Variants in SBF2 observed in about 807,000 individuals in gnomAD.
The protein encoded by SBF2 is SET binding factor 2.
A neutral mutation model predicts 225.2 loss-of-function variants in SBF2; 112 were observed. That is an observed-to-expected ratio of 0.50 (90% CI 0.43 to 0.58). The LOEUF (loss-of-function observed/expected upper bound fraction) is 0.58, where lower values mean the gene tolerates loss of function less well. SBF2 is among the 20% of genes least tolerant of loss of function. The probability of loss-of-function intolerance (pLI) is 0.00; values close to 1 mark genes in which losing one functional copy is unlikely to be tolerated. For synonymous variants in SBF2, 763 were observed against 773.3 expected (o/e 0.99, Z 0.22); for missense variants, 1,996 against 2,206.2 (o/e 0.90, Z 1.91).
At chr11:10,222,458 T>A (rs940779301) in intron 1 of SBF2, among the ~76,000 whole-genome samples, 1 of 152,128 alleles carries the variant, frequency 6.6e-6, no homozygotes, top group Admixed American at 6.5e-5. Context: ...AAAGTAGAAA[T>A]TCTAGATCTG....
intron 1 of SBF2, among the ~76,000 whole-genome samples, chr11:10,268,161 T>G (rs1486163476): frequency 1.3e-5 from 2 of 152,192 alleles, no homozygotes; most frequent in Non-Finnish European, 2.9e-5. Context: ...TGACACTTGA[T>G]TTCTCTCTGT....
chr11:10,063,143 G>A (rs889783309), intron 2 of SBF2, among the ~76,000 whole-genome samples: 10 of 151,856 alleles, frequency 6.6e-5, no homozygotes, highest in African/African-American at 2.2e-4. Flanking sequence ...CACAAAGAAG[G>A]AAATAACAGA....
chr11:10,295,274 C>G (rs967494570), upstream of SBF2, among the ~76,000 whole-genome samples: 1 of 152,264 alleles, frequency 6.6e-6, no homozygotes, highest in Admixed American at 6.5e-5. Flanking sequence ...ATAGTAGGTG[C>G]CTACAAAATA....
chr11:10,089,427 T>C (rs1352475096), intron 2 of SBF2, among the ~76,000 whole-genome samples: 1 of 152,212 alleles, frequency 6.6e-6, no homozygotes, highest in Non-Finnish European at 1.5e-5. Flanking sequence ...TCTTTCAAAA[T>C]GTTTCTTTCT....
At chr11:10,090,092 A>G (rs898430252) in intron 2 of SBF2, among the ~76,000 whole-genome samples, 1 of 152,342 alleles carries the variant, frequency 6.6e-6, no homozygotes, top group South Asian at 2.1e-4. Flanking sequence ...AAAACAATAC[A>G]TATTGGATGA....
chr11:9,818,270 G>C (rs1854564528), intron 28 of SBF2, among the ~76,000 whole-genome samples: 3 of 152,180 alleles, frequency 2.0e-5, no homozygotes, highest in Admixed American at 1.3e-4. Context: ...CTAAGAGAAA[G>C]GGCAAGCTAA....
intron 16 of SBF2, among the ~76,000 whole-genome samples, chr11:9,906,818 A>C (rs1186978090): frequency 6.6e-6 from 1 of 152,218 alleles, no homozygotes; most frequent in Non-Finnish European, 1.5e-5. Context: ...TTTATTCTGA[A>C]CTTTGCTTTG....
At chr11:10,107,683 A>T (rs1952612603) in intron 2 of SBF2, among the ~76,000 whole-genome samples, 1 of 152,110 alleles carries the variant, frequency 6.6e-6, no homozygotes, top group Admixed American at 6.5e-5. Context: ...TTCTAAATTT[A>T]TTATTCCAAT....
chr11:10,030,248 C>G (rs991087475), intron 4 of SBF2, among the ~76,000 whole-genome samples: 1 of 152,082 alleles, frequency 6.6e-6, no homozygotes, highest in South Asian at 2.1e-4. Context: ...TCTTATAAAT[C>G]CGGAATGCTT....
At chr11:10,272,465 A>G (rs1348884360) in intron 1 of SBF2, among the ~76,000 whole-genome samples, 1 of 152,212 alleles carries the variant, frequency 6.6e-6, no homozygotes, top group East Asian at 1.9e-4. Context: ...TGATTTCACC[A>G]TACCATTTCT....
intron 16 of SBF2, among the ~76,000 whole-genome samples, chr11:9,952,992 A>C (rs1865947126): frequency 6.6e-6 from 1 of 152,238 alleles, no homozygotes; most frequent in Non-Finnish European, 1.5e-5. Context: ...CAAGAAGTAG[A>C]AGTAGAACTA....
At chr11:10,240,896 TTTGA>T (rs1959200719) in intron 1 of SBF2, among the ~76,000 whole-genome samples, 1 of 152,206 alleles carries the variant, frequency 6.6e-6, no homozygotes, top group Non-Finnish European at 1.5e-5. Context: ...TATCAGTAAG[TTTGA>T]TTATTTGCAT....
At chr11:9,789,021 A>G (rs1226110326) in intron 35 of SBF2, 88 bp downstream of exon 35, 2 of 1,093,372 alleles carry the variant, frequency 1.8e-6, no homozygotes, top group Non-Finnish European at 2.8e-6. Context: ...AAGGAGAGCC[A>G]TGTTCAGAAG....
chr11:10,296,371 C>T (rs894644197), upstream of SBF2, among the ~76,000 whole-genome samples: 4 of 152,062 alleles, frequency 2.6e-5, no homozygotes, highest in Non-Finnish European at 5.9e-5. Flanking sequence ...CTCACAGTTC[C>T]ACATGGCGGA....
Position 9,867,751 on chromosome 11 carries a change from C to T in SBF2, c.1930-9355G>A, listed in dbSNP as rs150015193. On this transcript the variant is annotated intron_variant, in intron 17 of 39. Coordinates refer to ENST00000256190, the MANE Select transcript of SBF2 (RefSeq NM_030962.4). Reference sequence around the variant, plus strand: ...TGGAACTGGAGGTCATTATGTTAAACGAAATAAGCCAGGCACAGGATAAAT... The same window carrying T: ...TGGAACTGGAGGTCATTATGTTAAATGAAATAAGCCAGGCACAGGATAAAT... Among the ~76,000 whole-genome samples, 54 of 152,078 alleles carry T rather than the reference C, an allele frequency of 3.6e-4. No individual in the cohort carries two copies. The East Asian group carries it at 6.0e-3, about 17-fold the overall frequency.
chr11:9,993,111 T>C lies in SBF2; in HGVS notation c.1054-8A>G. The C allele has an allele frequency of 6.3e-7, 1 of 1,587,288 alleles. No homozygotes were observed. Among genetic ancestry groups the C allele is most frequent in the South Asian group, 1.1e-5 (1 of 90,468 alleles). ...GGCTCGCACCTCTTTATCCTAAAAATATAAGAAGAAATGTTAGGTAATTTA... is the reference window on the plus strand; with the variant it reads ...GGCTCGCACCTCTTTATCCTAAAAACATAAGAAGAAATGTTAGGTAATTTA... On this transcript the variant is annotated splice_polypyrimidine_tract_variant and splice_region_variant and intron_variant, in intron 10 of 39. Transcript: ENST00000256190.
chr11:9,816,995 G>A lies in SBF2; in HGVS notation c.3823C>T (p.Arg1275Cys), dbSNP rs956737183. 14 of 1,614,020 alleles carry A rather than the reference G, an allele frequency of 8.7e-6. No individual in the cohort carries two copies. The highest frequency in any genetic ancestry group is 2.2e-5 in the South Asian group (2 of 91,082). Reference sequence around the variant, plus strand: ...AAGGATGTTGGAGAGCTGATCAAGCGAGTGCTAGAGCGAAGACTTGCCCAC... The same window carrying A: ...AAGGATGTTGGAGAGCTGATCAAGCAAGTGCTAGAGCGAAGACTTGCCCAC... ...GVWASLRSST[R>C]LISSPTSFID... is the part of the protein sequence containing the mutation. The change falls in exon 29 of 40, where the codon CGC (arginine) becomes TGC (cysteine). Residue 1275 changes from arginine to cysteine, a missense_variant. Physicochemically the swap from Arg to Cys is radical, Grantham distance 180. Transcript: ENST00000256190.
chr11:9,968,194 AAC>A, intron 14 of SBF2, 145 bp downstream of exon 14: 1 of 718,410 alleles, frequency 1.4e-6, no homozygotes, highest in Non-Finnish European at 2.4e-6. Context: ...CAGTGAATGA[AAC>A]AGTTTCTGAG....
chr11:9,798,749 A>G (rs1281049763), intron 32 of SBF2, among the ~76,000 whole-genome samples: 1 of 152,186 alleles, frequency 6.6e-6, no homozygotes, highest in Non-Finnish European at 1.5e-5. Context: ...GATTGAGACC[A>G]TCCTGGTTAA....
Sources: gnomAD v4.1 joint callset for allele counts (sites outside exome capture counted in the v4.1 genomes callset) on GRCh38, gnomAD v4.1.1 for gene constraint, MANE v1.5 for transcripts, NCBI Gene and HGNC (gene_info 2026-07-23, HGNC 2026-07-21) for gene names.